CILP2: variants seen among roughly 807,000 people sequenced by gnomAD.
CILP2 encodes CILP-2.
In CILP2, 38 loss-of-function variants were observed where a neutral mutation model predicts 45.6. The ratio of observed to expected loss-of-function variants is 0.83; its 90% CI spans 0.64 to 1.09. CILP2 has a LOEUF of 1.09. Ranked by LOEUF, CILP2 falls within the 50% of genes least tolerant of loss-of-function variation. The pLI is 0.00. For synonymous variants in CILP2, 780 were observed against 723.5 expected (o/e 1.08, Z -1.25); for missense variants, 1,735 against 1,662.2 (o/e 1.04, Z -0.76).
Position 19,544,843 on chromosome 19 carries a change from G to A in CILP2, c.2298G>A (p.Glu766=), listed in dbSNP as rs1450494621. 1.3e-6 allele frequency: 2 copies of A among 1,599,742 alleles called. No homozygotes were observed. The highest frequency in any genetic ancestry group is 8.5e-7 in the Non-Finnish European group (1 of 1,179,024). Residue 766 remains glutamate, a synonymous_variant, in exon 8 of 8, where the codon GAG becomes GAA. Coordinates refer to ENST00000291495, the MANE Select transcript of CILP2 (RefSeq NM_153221.2). The stretch of plus-strand genomic sequence containing the variant: ...TGGTGGTCACGCTGGTCAATCTGGA[G>A]CCCGCCCCCGGCTTCTCCGCCAACC... ...EGVVVTLVNL[E]PAPGFSANPR...
chr19:19,545,185 G>A lies in CILP2; in HGVS notation c.2640G>A (p.Pro880=). 3 of 1,612,710 alleles carry A rather than the reference G, an allele frequency of 1.9e-6. No homozygotes were observed. Among genetic ancestry groups the A allele is most frequent in the African/African-American group, 1.3e-5 (1 of 75,070 alleles). ...DPAEANGPVY[P]WRSLRECQGA... is the part of the protein sequence containing the mutation. ...CCGAGGCCAATGGGCCTGTGTACCCGTGGCGCAGCCTGCGGGAATGCCAGG... is the reference window on the plus strand; with the variant it reads ...CCGAGGCCAATGGGCCTGTGTACCCATGGCGCAGCCTGCGGGAATGCCAGG... Residue 880 remains proline (P), a synonymous_variant, in exon 8 of 8, where the codon CCG becomes CCA. Transcript: ENST00000291495.
In CILP2 at chr19:19,544,369, G is replaced by A. The variant is rs773247413; in HGVS notation, c.1824G>A (p.Thr608=). ...CGGGGCCTGTGGAGGCCCGGGTGAC[G>A]TTCGTGGACCCCCGAGACCTCACCT... The part of the protein sequence containing the change: ...PYSGPVEARV[T]FVDPRDLTSA... The change falls in exon 8 of 8, where the codon ACG becomes ACA. Residue 608 remains threonine (T), a synonymous_variant. Transcript: ENST00000291495. The A allele has an allele frequency of 6.2e-7, 1 of 1,609,624 alleles. No homozygotes were observed. Among genetic ancestry groups the A allele is most frequent in the East Asian group, 2.2e-5 (1 of 44,798 alleles).
Position 19,541,251 on chromosome 19 carries a change from G to A in CILP2, c.592+5G>A. ...GCGTGCGGCCTCGGTGTCCAGGTAG[G>A]AGGGGCGGGGTCTGGAGGCTGGGAC... On this transcript the variant is annotated splice_donor_5th_base_variant and intron_variant, in intron 4 of 7. Coordinates refer to ENST00000291495, the MANE Select transcript of CILP2 (RefSeq NM_153221.2). 1.6e-6 allele frequency: 2 copies of A among 1,287,650 alleles called. No homozygotes were observed. The highest frequency in any genetic ancestry group is 2.0e-6 in the Non-Finnish European group (2 of 1,016,242). 79.8% of individuals were successfully genotyped at this position (1,287,650 alleles called of 1,614,324 possible). A position where few individuals can be genotyped will look rare whatever the true frequency, so the allele number is the denominator to read the frequency against.
chr19:19,539,465 G>A (rs2061234991), intron 1 of CILP2, among the ~76,000 whole-genome samples: 1 of 151,686 alleles, frequency 6.6e-6, no homozygotes, highest in African/African-American at 2.4e-5. Flanking sequence ...TCAGGAGGCT[G>A]AGGTGTGAGA....
rs535387460 is a variant in CILP2, at chr19:19,543,824, A to G, written c.1279A>G (p.Ser427Gly). ...DTRCPSLAGS[S>G]PRCGDASSRC... Reference sequence around the variant, plus strand: ...CCGCTGCCCCAGCCTGGCAGGCTCCAGCCCCCGCTGCGGGGACGCCAGCTC... The same window carrying G: ...CCGCTGCCCCAGCCTGGCAGGCTCCGGCCCCCGCTGCGGGGACGCCAGCTC... The change falls in exon 8 of 8, where the codon AGC (serine) becomes GGC (glycine). Residue 427 changes from serine to glycine, a missense_variant. Coordinates refer to ENST00000291495, the MANE Select transcript of CILP2 (RefSeq NM_153221.2). The G allele has an allele frequency of 1.9e-6, 3 of 1,613,772 alleles. No homozygotes were observed. Among genetic ancestry groups the G allele is most frequent in the South Asian group, 2.2e-5 (2 of 91,068 alleles).
In CILP2 at chr19:19,540,342, C is replaced by T. The variant is rs2061238968; in HGVS notation, c.302C>T (p.Thr101Met). The change falls in exon 3 of 8, where the codon ACG (threonine) becomes ATG (methionine). Residue 101 changes from threonine to methionine, a missense_variant. Physicochemically the swap from Thr to Met is moderately conservative, Grantham distance 81. Coordinates refer to ENST00000291495, the MANE Select transcript of CILP2 (RefSeq NM_153221.2). Reference protein sequence around the residue: ...PRPLALEARTTDWALPSAVGE... With the variant: ...PRPLALEARTMDWALPSAVGE... Reference sequence around the variant, plus strand: ...CCGCTGGCGCTGGAAGCGCGCACCACGGACTGGGCCCTGCCGTCCGCCGTC... The same window carrying T: ...CCGCTGGCGCTGGAAGCGCGCACCATGGACTGGGCCCTGCCGTCCGCCGTC... 3 of 1,562,318 alleles carry T rather than the reference C, an allele frequency of 1.9e-6. No individual in the cohort carries two copies. The Admixed American group carries it at 5.5e-5, about 28-fold the overall frequency.
rs565980772 is a variant in CILP2 at position 19,544,331 on chromosome 19, G to A, written c.1786G>A (p.Gly596Ser). ...TTCTGGCGCTTTCCGCAGAGCCGAC[G>A]GCAAACCCTACTCGGGGCCTGTGGA... The part of the protein sequence containing the change: ...LPSGAFRRAD[G>S]KPYSGPVEAR... The change falls in exon 8 of 8, where the codon GGC becomes AGC. Residue 596 changes from glycine to serine, a missense_variant. Gly to Ser is a moderately conservative substitution (Grantham distance 56). Transcript: ENST00000291495. 3.0e-5 allele frequency: 48 copies of A among 1,612,126 alleles called. No individual in the cohort carries two copies. In the South Asian group the frequency reaches 4.1e-4, roughly 14 times the overall value.
Position 19,544,252 on chromosome 19 carries a change from G to A in CILP2, c.1707G>A (p.Thr569=), listed in dbSNP as rs550331843. 5.1e-5 allele frequency: 82 copies of A among 1,613,762 alleles called. No individual in the cohort carries two copies. Among genetic ancestry groups the A allele is most frequent in the Admixed American group, 8.3e-5 (5 of 60,030 alleles). The part of the protein sequence containing the change: ...PVILHTSQSN[T]IPLGELEDEA... ...TTTTACATACCAGCCAGAGCAACAC[G>A]ATCCCCCTGGGCGAGCTGGAAGATG... The change falls in exon 8 of 8, where the codon ACG becomes ACA. Residue 569 remains threonine (T), a synonymous_variant. Coordinates refer to ENST00000291495, the MANE Select transcript of CILP2 (RefSeq NM_153221.2).
Position 19,545,295 on chromosome 19 carries a change from G to T in CILP2, c.2750G>T (p.Gly917Val), listed in dbSNP as rs1360859393. 3.1e-6 allele frequency: 5 copies of T among 1,612,936 alleles called. No homozygotes were observed. The highest frequency in any genetic ancestry group is 1.1e-5 in the South Asian group (1 of 91,074). The change falls in exon 8 of 8, where the codon GGC becomes GTC. Residue 917 changes from glycine to valine, a missense_variant. Coordinates refer to ENST00000291495, the MANE Select transcript of CILP2 (RefSeq NM_153221.2). ...YEYNVVPFRE[G>V]TPASWTGDLL... ...TACAACGTGGTCCCCTTCCGAGAGGGCACACCTGCCTCCTGGACTGGCGAT... is the reference window on the plus strand; with the variant it reads ...TACAACGTGGTCCCCTTCCGAGAGGTCACACCTGCCTCCTGGACTGGCGAT...
chr19:19,540,963 T>C (rs1208229595), intron 3 of CILP2, 128 bp from the exon 4 acceptor site: 1 of 888,368 alleles, frequency 1.1e-6, no homozygotes, highest in Non-Finnish European at 1.5e-6. Flanking sequence ...ATCTGCTCTC[T>C]GGAGTGTCCG....
intron 1 of CILP2, among the ~76,000 whole-genome samples, chr19:19,538,980 G>C (rs935181411): frequency 6.6e-6 from 1 of 152,248 alleles, no homozygotes; most frequent in Admixed American, 6.5e-5. Flanking sequence ...GGGGCTTCCA[G>C]CAGGCCAAGT....
At chr19:19,542,712 C>G in intron 5 of CILP2, 62 bp downstream of exon 5, 1 of 1,585,870 alleles carries the variant, frequency 6.3e-7, no homozygotes, top group East Asian at 2.2e-5. Flanking sequence ...AGTTCTAGCA[C>G]TCGATCAAGA....
At position 19,542,502 on chromosome 19, in the gene CILP2, C is replaced by G. The variant is rs749296323; in HGVS notation, c.720C>G (p.Ser240Arg). 18 of 1,613,916 alleles carry G rather than the reference C, an allele frequency of 1.1e-5. No homozygotes were observed. The highest frequency in any genetic ancestry group is 1.7e-4 in the Middle Eastern group (1 of 6,056). Residue 240 changes from serine to arginine, a missense_variant, in exon 5 of 8, where the codon AGC (serine) becomes AGG (arginine). Transcript: ENST00000291495. ...ACCAGCCTGGCACTGTGGCCACCAGCGATGCTCACGGAACCTTCCGGGTGC... is the reference window on the plus strand; with the variant it reads ...ACCAGCCTGGCACTGTGGCCACCAGGGATGCTCACGGAACCTTCCGGGTGC... ...LRDQPGTVAT[S>R]DAHGTFRVPG...
In CILP2 at chr19:19,543,669, C is replaced by T. The variant is rs202123010; in HGVS notation, c.1136-12C>T. 3 of 1,578,818 alleles carry T rather than the reference C, an allele frequency of 1.9e-6. No homozygotes were observed. Among genetic ancestry groups the T allele is most frequent in the East Asian group, 2.2e-5 (1 of 44,512 alleles). On this transcript the variant is annotated splice_polypyrimidine_tract_variant and intron_variant, in intron 7 of 7. Coordinates refer to ENST00000291495, the MANE Select transcript of CILP2 (RefSeq NM_153221.2). The stretch of plus-strand genomic sequence containing the variant: ...CTCCCTGCCCTGACCTGCATGTTTT[C>T]TTTGTCCCCAGCCCCAGGCCAGCCA...
In CILP2 at chr19:19,541,402, T is replaced by TGG. The variant is rs1600376587; in HGVS notation, c.592+160_592+161dup. Among the ~76,000 whole-genome samples the TGG allele has an allele frequency of 9.8e-5, 10 of 102,128 alleles. No homozygotes were observed. The South Asian group carries it at 2.8e-3, about 29-fold the overall frequency. 67.0% of individuals were successfully genotyped at this position (102,128 alleles called of 152,430 possible). A position where few individuals can be genotyped will look rare whatever the true frequency, so the allele number is the denominator to read the frequency against. On this transcript the variant is annotated intron_variant, in intron 4 of 7. Coordinates refer to ENST00000291495, the MANE Select transcript of CILP2 (RefSeq NM_153221.2). ...CGATGCCTAGAGGGGAGGAGCTAGTTGGGGGCGGGGCCTCGTGGACGGGGC... is the reference window on the plus strand; with the variant it reads ...CGATGCCTAGAGGGGAGGAGCTAGTTGGGGGGGCGGGGCCTCGTGGACGGGGC...
rs2095016799 is a variant in CILP2 at position 19,546,617 on chromosome 19, G to C, written c.*601G>C. ...GCTTAGAGACCTGCCCGGGGCGTTG[G>C]GCAGGCCCTCCGGGGGCTGAATTAA... On this transcript the variant is annotated 3_prime_UTR_variant, in exon 8 of 8. Coordinates refer to ENST00000291495, the MANE Select transcript of CILP2 (RefSeq NM_153221.2). 6.6e-6 allele frequency: 1 copy of C among 152,618 alleles called. No individual in the cohort carries two copies. The highest frequency in any genetic ancestry group is 2.4e-5 in the African/African-American group (1 of 41,416). 9.5% of individuals were successfully genotyped at this position (152,618 alleles called of 1,614,324 possible).
chr19:19,540,538 G>T, intron 3 of CILP2, 62 bp downstream of exon 3: 4 of 408,970 alleles, frequency 9.8e-6, no homozygotes, highest in Non-Finnish European at 1.5e-5. Flanking sequence ...CGAACGCCGG[G>T]AAGAGTCGTG....
chr19:19,545,469 C>A lies in CILP2; in HGVS notation c.2924C>A (p.Ala975Asp). Residue 975 changes from alanine (A) to aspartate (D), a missense_variant, in exon 8 of 8, where the codon GCC (alanine) becomes GAC (aspartate). Physicochemically the swap from Ala to Asp is moderately radical, Grantham distance 126 (BLOSUM62 -2). Transcript: ENST00000291495. ...GGCCAGCTCTACGGACTTCGGGATG[C>A]CCGGAGTGTGCGAGACCCCGAGCGT... ...TRGQLYGLRD[A>D]RSVRDPERPG... is the part of the protein sequence containing the mutation. 6.2e-7 allele frequency: 1 copy of A among 1,612,230 alleles called. No individual in the cohort carries two copies. The highest frequency in any genetic ancestry group is 8.5e-7 in the Non-Finnish European group (1 of 1,179,658).
Position 19,541,210 on chromosome 19 carries a change from C to T in CILP2, c.556C>T (p.Leu186=). 1.6e-6 allele frequency: 2 copies of T among 1,280,762 alleles called. No individual in the cohort carries two copies. Among genetic ancestry groups the T allele is most frequent in the African/African-American group, 1.5e-5 (1 of 65,954 alleles). 79.3% of individuals were successfully genotyped at this position (1,280,762 alleles called of 1,614,324 possible). ...TGGGGATGCGTGTCCCGGGCGTCCT[C>T]TGGAGGCGCAGAAGTGCGTGCGGCC... ...PAGDACPGRP[L]EAQKCVRPRC... Residue 186 remains leucine, a synonymous_variant, in exon 4 of 8, where the codon CTG becomes TTG. Transcript: ENST00000291495.
Sources: allele counts gnomAD v4.1 joint callset (sites outside exome capture counted in the v4.1 genomes callset), GRCh38; gene constraint gnomAD v4.1.1; transcripts MANE v1.5; gene names NCBI Gene and HGNC (gene_info 2026-07-23, HGNC 2026-07-21).